Variants in PEX5L observed in about 807,000 individuals in gnomAD.
PEX5L encodes PEX5-related protein.
Under a neutral mutation model 84.0 loss-of-function variants are expected in PEX5L, and 30 were observed. The ratio of observed to expected loss-of-function variants is 0.36; its 90% CI spans 0.27 to 0.48. PEX5L has a LOEUF of 0.48. Ranked by LOEUF, PEX5L falls within the 20% of genes least tolerant of loss-of-function variation. The pLI is 0.99. For synonymous variants in PEX5L, 270 were observed against 283.1 expected, an observed-to-expected ratio of 0.95 and a Z score of 0.46; for missense variants, 533 against 754.6, an observed-to-expected ratio of 0.71 and a Z score of 3.44.
intron 2 of PEX5L, among the ~76,000 whole-genome samples, chr3:179,901,439 T>C (rs948181957): frequency 6.6e-6 from 1 of 152,262 alleles, no homozygotes; most frequent in African/African-American, 2.4e-5. Context: ...CATTCAAGCA[T>C]ATAAGCAGTT....
At chr3:179,846,892 A>G (rs1258168335) in intron 8 of PEX5L, among the ~76,000 whole-genome samples, 1 of 151,950 alleles carries the variant, frequency 6.6e-6, no homozygotes. Context: ...CTACACCCCA[A>G]ACTCACCAGA....
intron 1 of PEX5L, 68 bp from the exon 2 acceptor site, chr3:179,971,733 AT>A: frequency 7.1e-7 from 1 of 1,403,614 alleles, no homozygotes; most frequent in Non-Finnish European, 9.5e-7. Context: ...TCTACTTAAT[AT>A]TTTTAAAGAT....
intron 8 of PEX5L, among the ~76,000 whole-genome samples, chr3:179,834,269 A>C (rs562330135): frequency 6.6e-6 from 1 of 152,370 alleles, no homozygotes; most frequent in African/African-American, 2.4e-5. Context: ...CTGGGCCACC[A>C]AGGAGTGAGG....
In PEX5L at chr3:180,024,382, A is replaced by AC. The variant is rs1553929519; in HGVS notation, c.21+12196_21+12197insG. On this transcript the variant is annotated intron_variant, in intron 1 of 14. Transcript: ENST00000467460. Reference sequence around the variant, plus strand: ...TATATATATATATATATACACACACAAAAAAAAAAAAAATTAGCCGTGCGT... The same window carrying AC: ...TATATATATATATATATACACACACACAAAAAAAAAAAAATTAGCCGTGCGT... Among the ~76,000 whole-genome samples, 610 of 114,174 alleles carry AC rather than the reference A, an allele frequency of 5.3e-3. 5 individuals are homozygous for AC. Among genetic ancestry groups the AC allele is most frequent in the Middle Eastern group, 0.016 (4 of 248 alleles). The allele number at this position is 114,174 out of a possible 152,430, so 74.9% of individuals were successfully genotyped here.
chr3:179,947,409 A>T (rs547847780), intron 2 of PEX5L, among the ~76,000 whole-genome samples: 1 of 152,262 alleles, frequency 6.6e-6, no homozygotes, highest in East Asian at 1.9e-4. Context: ...TACACCAATT[A>T]TGGAGGCAGA....
chr3:179,954,225 G>T (rs974724565), intron 2 of PEX5L, among the ~76,000 whole-genome samples: 20 of 149,372 alleles, frequency 1.3e-4, no homozygotes, highest in Admixed American at 9.9e-4. Context: ...GAAAAAGTCA[G>T]CCATGAGTAA....
chr3:179,842,726 C>T (rs1737748624), intron 8 of PEX5L, among the ~76,000 whole-genome samples: 1 of 152,040 alleles, frequency 6.6e-6, no homozygotes, highest in Non-Finnish European at 1.5e-5. Context: ...AAAGCACCAT[C>T]AACAGCAACA....
chr3:179,865,879 T>C (rs935224323), intron 7 of PEX5L, among the ~76,000 whole-genome samples: 2 of 152,178 alleles, frequency 1.3e-5, no homozygotes, highest in African/African-American at 4.8e-5. Context: ...ATCTAGATAT[T>C]GGCATTATGT....
chr3:179,800,760 A>C lies in PEX5L; in HGVS notation c.*1068T>G, dbSNP rs961926542. ...TAAGAAAACATAATTTTTAGGAAAA[A>C]ATGTTATTTATCACTCTTAAGAAAT... On this transcript the variant is annotated 3_prime_UTR_variant, in exon 15 of 15. Transcript: ENST00000467460. The C allele has an allele frequency of 2.6e-5, 4 of 152,224 alleles. No individual in the cohort carries two copies. Among genetic ancestry groups the C allele is most frequent in the Non-Finnish European group, 4.4e-5 (3 of 68,046 alleles). The allele number at this position is 152,224 out of a possible 1,614,324, so 9.4% of individuals were successfully genotyped here.
chr3:179,925,997 C>G (rs548096204), intron 2 of PEX5L, among the ~76,000 whole-genome samples: 2 of 152,110 alleles, frequency 1.3e-5, no homozygotes, highest in African/African-American at 2.4e-5. Flanking sequence ...CAATCTCCCC[C>G]CTCCAAATGT....
intron 2 of PEX5L, among the ~76,000 whole-genome samples, chr3:179,909,957 A>G (rs1764608250): frequency 6.6e-6 from 1 of 152,206 alleles, no homozygotes; most frequent in Non-Finnish European, 1.5e-5. Context: ...TTAAGCCACC[A>G]ATCTGTGGTA....
intron 1 of PEX5L, among the ~76,000 whole-genome samples, chr3:180,025,753 G>A (rs1790890925): frequency 6.6e-6 from 1 of 152,182 alleles, no homozygotes; most frequent in African/African-American, 2.4e-5. Flanking sequence ...GGTATAACAG[G>A]CACGCCGTGG....
chr3:179,909,104 T>C (rs2109167407), intron 2 of PEX5L, among the ~76,000 whole-genome samples: 1 of 152,252 alleles, frequency 6.6e-6, no homozygotes, highest in South Asian at 2.1e-4. Flanking sequence ...ATCTTTTGCT[T>C]GTATTCATCC....
intron 1 of PEX5L, among the ~76,000 whole-genome samples, chr3:180,030,550 C>A (rs921986053): frequency 6.6e-6 from 1 of 152,176 alleles, no homozygotes. Context: ...CAGCCAATAT[C>A]CCCAGTTCTT....
intron 4 of PEX5L, among the ~76,000 whole-genome samples, chr3:179,884,150 G>C (rs772548325): frequency 7.9e-5 from 12 of 152,122 alleles, no homozygotes; most frequent in Non-Finnish European, 1.3e-4. Flanking sequence ...TCACACAGCT[G>C]GTGTGGTAGA....
At chr3:179,981,248 G>C (rs577443434) in intron 1 of PEX5L, among the ~76,000 whole-genome samples, 1 of 152,240 alleles carries the variant, frequency 6.6e-6, no homozygotes, top group Non-Finnish European at 1.5e-5. Context: ...TCACATTAAG[G>C]TGTTTGTTCT....
chr3:179,927,637 A>G (rs1771839422), intron 2 of PEX5L, among the ~76,000 whole-genome samples: 2 of 152,184 alleles, frequency 1.3e-5, no homozygotes, highest in African/African-American at 4.8e-5. Flanking sequence ...GACTTTTTCC[A>G]TTTCATTTAT....
At chr3:180,000,351 G>A (rs1369348637) in intron 1 of PEX5L, among the ~76,000 whole-genome samples, 1 of 152,130 alleles carries the variant, frequency 6.6e-6, no homozygotes, top group Non-Finnish European at 1.5e-5. Flanking sequence ...GAGTATGCAT[G>A]GAATACAGGA....
chr3:179,961,385 AAG>A (rs1440289676), intron 2 of PEX5L, among the ~76,000 whole-genome samples: 1 of 152,168 alleles, frequency 6.6e-6, no homozygotes, highest in African/African-American at 2.4e-5. Flanking sequence ...ACAGGTTTGC[AAG>A]AACTGCATTT....
Sources: allele counts gnomAD v4.1 joint callset (sites outside exome capture counted in the v4.1 genomes callset), GRCh38; gene constraint gnomAD v4.1.1; transcripts MANE v1.5; gene names NCBI Gene and HGNC (gene_info 2026-07-23, HGNC 2026-07-21).